The following CIITA variants were observed in gnomAD, a reference collection of about 807,000 sequenced individuals.
The protein encoded by CIITA is MHC class II transactivator.
Under a neutral mutation model 115.1 loss-of-function variants are expected in CIITA, and 72 were observed. The ratio of observed to expected loss-of-function variants is 0.63; its 90% confidence interval spans 0.52 to 0.76. The LOEUF is 0.76. Among genes scored for constraint, CIITA ranks in the 30% least tolerant of loss-of-function variants. CIITA has a pLI of 0.00. For missense variants in CIITA, 1,617 were observed against 1,463.8 expected, an observed-to-expected ratio of 1.10 and a Z score of -1.71; for synonymous variants, 763 against 635.6, an observed-to-expected ratio of 1.20 and a Z score of -3.02.
intron 1 of CIITA, among the ~76,000 whole-genome samples, chr16:10,868,508 T>A (rs148665654): frequency 1.3e-3 from 195 of 152,292 alleles, no homozygotes; most frequent in African/African-American, 4.5e-3. Context: ...GGACTCCTCT[T>A]TAATTCTCTT....
At chr16:10,919,587 C>G (rs186800663) in intron 16 of CIITA, among the ~76,000 whole-genome samples, 2 of 152,230 alleles carry the variant, frequency 1.3e-5, no homozygotes, top group East Asian at 3.9e-4. Flanking sequence ...TGGCTCACTA[C>G]AGCCTCGACT....
chr16:10,941,033 C>T (rs746264383), downstream of CIITA: 2 of 152,332 alleles, frequency 1.3e-5, no homozygotes, highest in African/African-American at 2.4e-5. The surrounding 1 kb of genome is among the most constrained non-coding windows in gnomAD (Gnocchi z 6.4). Flanking sequence ...AAAGGAAGTA[C>T]GGGCTTCTTT....
chr16:10,873,304 G>C (rs2035611406), upstream of CIITA, among the ~76,000 whole-genome samples: 1 of 152,282 alleles, frequency 6.6e-6, no homozygotes, highest in Middle Eastern at 3.4e-3. Context: ...GTAGGTATTG[G>C]GGTAAGTGCA....
intron 1 of CIITA, among the ~76,000 whole-genome samples, chr16:10,889,091 A>G (rs1398622800): frequency 6.6e-6 from 1 of 152,216 alleles, no homozygotes; most frequent in African/African-American, 2.4e-5. Flanking sequence ...GCGCAGAAAC[A>G]TGCTGAGAGC....
At position 10,901,456 on chromosome 16, in the gene CIITA, C is replaced by T. The variant is rs1344577795; in HGVS notation, c.437-58C>T. 3.1e-6 allele frequency: 5 copies of T among 1,589,698 alleles called. No individual in the cohort carries two copies. The highest frequency in any genetic ancestry group is 1.3e-5 in the African/African-American group (1 of 74,334). On this transcript the variant is annotated intron_variant, in intron 5 of 19. Transcript: ENST00000324288. This position sits in a 1 kb window ranked among gnomAD's most constrained non-coding sequence, Gnocchi z 6.8. ...CGTATAGCCTGCTAGAGTCCTGAGC[C>T]CCTTCTGGCTTGGGACATCCTCTCC...
chr16:10,909,267 G>T, intron 12 of CIITA, 80 bp downstream of exon 12: 2 of 1,470,946 alleles, frequency 1.4e-6, no homozygotes, highest in Non-Finnish European at 1.9e-6. Context: ...GTTTGTCATG[G>T]GCATTTCCAG....
chr16:10,921,508 A>T (rs2040268213), intron 16 of CIITA, among the ~76,000 whole-genome samples: 1 of 152,348 alleles, frequency 6.6e-6, no homozygotes, highest in East Asian at 1.9e-4. Context: ...GCACCAAGGC[A>T]TGTTCTAAAT....
chr16:10,878,903 A>C (rs1419790716), intron 1 of CIITA: 3 of 228,340 alleles, frequency 1.3e-5, no homozygotes, highest in Non-Finnish European at 2.6e-5. Context: ...CTGCAGAAAG[A>C]AAGTGAAAGG....
At chr16:10,866,232 G>T (rs1050361005), upstream of CIITA, 1 of 483,022 alleles carries the variant, frequency 2.1e-6, no homozygotes, top group East Asian at 4.1e-5. Context: ...GCTGCATGCT[G>T]GGTGAGCGGA....
chr16:10,922,852 T>C (rs2145162821), intron 18 of CIITA: 1 of 496,704 alleles, frequency 2.0e-6, no homozygotes, highest in South Asian at 2.3e-5. Flanking sequence ...TATCTTTTAT[T>C]AAGTCACCAT....
Position 10,941,965 on chromosome 16 carries a change from C to T in CIITA, n.1091C>T, listed in dbSNP as rs747642618. 49 of 1,557,772 alleles carry T rather than the reference C, an allele frequency of 3.1e-5. No homozygotes were observed. The highest frequency in any genetic ancestry group is 8.2e-5 in the African/African-American group (6 of 73,260). ...CGGCGGCACGTAGGGGACCAGGGGG[C>T]CCAGTGCGTCCAGGTGGGCCGCGAC... On this transcript the variant is annotated non_coding_transcript_exon_variant, in exon 2 of 2. Coordinates refer to the CIITA transcript ENST00000573379. The surrounding 1 kb of genome is among the most constrained non-coding windows in gnomAD (Gnocchi z 6.4).
chr16:10,872,066 T>C (rs1279152917), intron 1 of CIITA, among the ~76,000 whole-genome samples: 2 of 152,168 alleles, frequency 1.3e-5, no homozygotes, highest in Non-Finnish European at 2.9e-5. Flanking sequence ...GTACCTACCT[T>C]CCTATATCTA....
rs2039182328 is a variant in CIITA at position 10,906,693 on chromosome 16, C to T, written c.1201C>T (p.Leu401=). 13 of 1,612,742 alleles carry T rather than the reference C, an allele frequency of 8.1e-6. No individual in the cohort carries two copies. The highest frequency in any genetic ancestry group is 1.0e-5 in the Non-Finnish European group (12 of 1,179,990). Reference sequence around the variant, plus strand: ...GGCCCAAGGAGGCCTGGCTGAGGTGCTGTTGGCTGCCAAGGAGCACCGGCG... The same window carrying T: ...GGCCCAAGGAGGCCTGGCTGAGGTGTTGTTGGCTGCCAAGGAGCACCGGCG... ...QLAQGGLAEV[L]LAAKEHRRPR... The change falls in exon 11 of 20, where the codon CTG becomes TTG. Residue 401 remains leucine, a synonymous_variant. Transcript: ENST00000324288.
rs1019179917 is a variant in CIITA at position 10,930,123 on chromosome 16, T to C, written c.*6268T>C. 6.6e-6 allele frequency: 1 copy of C among 152,414 alleles called. No individual in the cohort carries two copies. The highest frequency in any genetic ancestry group is 1.5e-5 in the Non-Finnish European group (1 of 68,188). 9.4% of individuals were successfully genotyped at this position (152,414 alleles called of 1,614,324 possible). On this transcript the variant is annotated 3_prime_UTR_variant, in exon 20 of 20. Transcript: ENST00000324288. ...TCCCCGTTTCCCACTGCCTTCTCTG[T>C]GTGCCTAGCCGGGTGCCAGTGTCTC... is the stretch of plus-strand genomic sequence containing the variant.
Position 10,902,692 on chromosome 16 carries a change from T to A in CIITA, c.663T>A (p.Asn221Lys). 16 of 1,614,210 alleles carry A rather than the reference T, an allele frequency of 9.9e-6. No homozygotes were observed. Among genetic ancestry groups the A allele is most frequent in the Non-Finnish European group, 1.4e-5 (16 of 1,180,042 alleles). Residue 221 changes from asparagine (N) to lysine (K), a missense_variant, in exon 8 of 20, where the codon AAT becomes AAA. Asn to Lys is a moderately conservative substitution (Grantham distance 94). Coordinates refer to ENST00000324288, the MANE Select transcript of CIITA (RefSeq NM_000246.4). The part of the protein sequence containing the change: ...PFSSSSLSCL[N>K]LPEGPIQFVP... ...CCAGTTCCTCGTTGAGCTGCCTGAA[T>A]CTCCCTGAGGGACCCATCCAGTTTG...
rs748559474 is a variant in CIITA at position 10,895,708 on chromosome 16, G to C, written c.239G>C (p.Arg80Thr). The C allele has an allele frequency of 1.2e-6, 2 of 1,614,168 alleles. No homozygotes were observed. The highest frequency in any genetic ancestry group is 8.5e-7 in the Non-Finnish European group (1 of 1,180,036). The change falls in exon 3 of 20, where the codon AGG becomes ACG. Residue 80 changes from arginine to threonine, a missense_variant. Arg to Thr is a moderately conservative substitution (Grantham distance 71, BLOSUM62 -1). Coordinates refer to ENST00000324288, the MANE Select transcript of CIITA (RefSeq NM_000246.4). ...TDTINCDQFSRLLCDMEGDEE... is the reference protein window; with the variant it reads ...TDTINCDQFSTLLCDMEGDEE... ...ACCATCAACTGCGACCAGTTCAGCA[G>C]GCTGTTGTGTGACATGGAAGGTGAT... is the stretch of plus-strand genomic sequence containing the variant.
In CIITA at chr16:10,901,971, G is replaced by T; in HGVS notation, c.482-67G>T. The stretch of plus-strand genomic sequence containing the variant: ...CAGGAGAGACATCCATGCCACTCCA[G>T]GGCCCTCCCCATCCCAGGAAGGCCC... On this transcript the variant is annotated intron_variant, in intron 6 of 19. Coordinates refer to ENST00000324288, the MANE Select transcript of CIITA (RefSeq NM_000246.4). This position sits in a 1 kb window ranked among gnomAD's most constrained non-coding sequence, Gnocchi z 6.8. 1 of 1,599,252 alleles carries T rather than the reference G, an allele frequency of 6.3e-7. No individual in the cohort carries two copies.
chr16:10,908,527 T>A, intron 11 of CIITA: 3 of 420,150 alleles, frequency 7.1e-6, no homozygotes, highest in Non-Finnish European at 8.9e-6. Flanking sequence ...CTGCCTCCAT[T>A]CTCTCCTCTT....
chr16:10,897,549 A>G (rs947118815), intron 3 of CIITA, among the ~76,000 whole-genome samples: 1 of 152,126 alleles, frequency 6.6e-6, no homozygotes, highest in Non-Finnish European at 1.5e-5. Context: ...TCTGCTCCTC[A>G]AGTCTGTGGG....
Sources: gnomAD v4.1 joint callset for allele counts (sites outside exome capture counted in the v4.1 genomes callset) on GRCh38, gnomAD v4.1.1 for gene constraint, Gnocchi (gnomAD v3.1) non-coding constraint, MANE v1.5 for transcripts, NCBI Gene and HGNC (gene_info 2026-07-23, HGNC 2026-07-21) for gene names.